The following ACAD9 variants were observed in gnomAD, a reference collection of about 807,000 sequenced individuals.
ACAD9 encodes complex I assembly factor ACAD9, mitochondrial.
A neutral mutation model predicts 70.2 loss-of-function variants in ACAD9; 53 were observed. The ratio of observed to expected loss-of-function variants is 0.75; its 90% CI spans 0.61 to 0.95. ACAD9 has a LOEUF of 0.95. Ranked by LOEUF, ACAD9 falls within the 40% of genes least tolerant of loss-of-function variation. ACAD9 has a pLI of 0.00. For synonymous variants in ACAD9, 313 were observed against 312.1 expected, an observed-to-expected ratio of 1.00 and a Z score of -0.03; for missense variants, 777 against 802.8, an observed-to-expected ratio of 0.97 and a Z score of 0.39.
At chr3:128,910,879 GTT>G in intron 17 of ACAD9, 66 bp downstream of exon 17, 1 of 1,565,852 alleles carries the variant, frequency 6.4e-7, no homozygotes, top group Non-Finnish European at 8.8e-7. Flanking sequence ...ATGGTGAGCT[GTT>G]TCTGGACCCT....
intron 12 of ACAD9, among the ~76,000 whole-genome samples, chr3:128,906,975 A>G (rs1291321139): frequency 6.6e-6 from 1 of 152,176 alleles, no homozygotes; most frequent in Non-Finnish European, 1.5e-5. Flanking sequence ...AGTGCTGGAC[A>G]TGTGGACGGG....
At chr3:128,891,135 G>A (rs763521933) in intron 2 of ACAD9, among the ~76,000 whole-genome samples, 1 of 151,888 alleles carries the variant, frequency 6.6e-6, no homozygotes, top group Non-Finnish European at 1.5e-5. Context: ...CACCGTGCCC[G>A]GCCAGCAATT....
At chr3:128,906,958 C>G (rs1287579063) in intron 12 of ACAD9, among the ~76,000 whole-genome samples, 1 of 152,200 alleles carries the variant, frequency 6.6e-6, no homozygotes, top group Non-Finnish European at 1.5e-5. Flanking sequence ...CCCCCAGGGG[C>G]TCAGCAAGTG....
rs564993361 is a variant in ACAD9 at position 128,908,326 on chromosome 3, A to G, written c.1358+62A>G. 274 of 1,590,006 alleles carry G rather than the reference A, an allele frequency of 1.7e-4. 2 individuals are homozygous for G. The African/African-American group carries it at 3.5e-3, about 21-fold the overall frequency. ...ATACCTGCCCAGCAGGGGCCAGTCC[A>G]GGGCAGTGGGAGGAAAGAGCTGCCT... is the stretch of plus-strand genomic sequence containing the variant. On this transcript the variant is annotated intron_variant, in intron 13 of 17. Coordinates refer to ENST00000308982, the MANE Select transcript of ACAD9 (RefSeq NM_014049.5).
At chr3:128,899,176 C>T in intron 6 of ACAD9, 111 bp from the exon 7 acceptor site, 1 of 1,135,888 alleles carries the variant, frequency 8.8e-7, no homozygotes, top group Non-Finnish European at 1.3e-6. Context: ...AAGGACCCTG[C>T]ATGTCTGGCC....
rs754035263 is a variant in ACAD9 at position 128,896,437 on chromosome 3, G to T, written c.455G>T (p.Gly152Val). ...LAAHQAIGLKGIILAGTEEQK... is the reference protein window; with the variant it reads ...LAAHQAIGLKVIILAGTEEQK... Reference sequence around the variant, plus strand: ...TTAGTCTGTGTCTGTTTTGTTTAGGGGATCATCTTGGCTGGCACTGAGGAG... The same window carrying T: ...TTAGTCTGTGTCTGTTTTGTTTAGGTGATCATCTTGGCTGGCACTGAGGAG... Residue 152 changes from glycine to valine, a missense_variant and splice_region_variant, in exon 5 of 18, where the codon GGG (glycine) becomes GTG (valine). Transcript: ENST00000308982. 3 of 1,614,104 alleles carry T rather than the reference G, an allele frequency of 1.9e-6. No homozygotes were observed. The South Asian group carries it at 3.3e-5, about 18-fold the overall frequency.
intron 11 of ACAD9, among the ~76,000 whole-genome samples, chr3:128,905,218 A>G (rs1012905633): frequency 1.3e-5 from 2 of 152,244 alleles, no homozygotes; most frequent in African/African-American, 4.8e-5. Flanking sequence ...TCTACAAAAA[A>G]TACAAAAATT....
At chr3:128,880,564 A>G (rs1014189952) in intron 1 of ACAD9, among the ~76,000 whole-genome samples, 1 of 137,350 alleles carries the variant, frequency 7.3e-6, no homozygotes, top group Non-Finnish European at 1.6e-5. Flanking sequence ...TTTTTTTTGT[A>G]TTTTTAGCAG....
chr3:128,879,655 G>A lies in ACAD9; in HGVS notation c.-37G>A, dbSNP rs1441353275. ...TGTGTGTCCCTGCGGCGCTAAGAAG[G>A]GGAGACTGAGGCTGAGGCTGGGGAA... On this transcript the variant is annotated 5_prime_UTR_variant, in exon 1 of 18. Transcript: ENST00000308982. 5.0e-6 allele frequency: 8 copies of A among 1,610,924 alleles called. No homozygotes were observed. The highest frequency in any genetic ancestry group is 2.2e-5 in the East Asian group (1 of 44,868).
chr3:128,898,436 C>T (rs1306830539), intron 6 of ACAD9: 25 of 438,184 alleles, frequency 5.7e-5, no homozygotes, highest in South Asian at 9.8e-5. Context: ...GACAGGGTCC[C>T]GCTCTGTCAC....
intron 12 of ACAD9, among the ~76,000 whole-genome samples, chr3:128,906,991 TGTGGAGA>T (rs1475890007): frequency 1.3e-5 from 2 of 152,056 alleles, no homozygotes; most frequent in Non-Finnish European, 2.9e-5. Context: ...ACGGGGCTCA[TGTGGAGA>T]GTGAGTTGCA....
In ACAD9 at chr3:128,910,820, G is replaced by A. The variant is rs752972035; in HGVS notation, c.1765+7G>A. ...CTCTCTCAGCTGGACAAGTGTGAGT[G>A]GCATGTCTTGGGGGAGGGAAGGAAG... On this transcript the variant is annotated splice_region_variant and intron_variant, in intron 17 of 17. Coordinates refer to ENST00000308982, the MANE Select transcript of ACAD9 (RefSeq NM_014049.5). The A allele has an allele frequency of 8.1e-6, 13 of 1,614,132 alleles. No homozygotes were observed. The highest frequency in any genetic ancestry group is 1.1e-5 in the Non-Finnish European group (13 of 1,180,000).
intron 3 of ACAD9, 33 bp downstream of exon 3, chr3:128,893,689 A>G: frequency 6.4e-7 from 1 of 1,571,926 alleles, no homozygotes; most frequent in Non-Finnish European, 8.8e-7. Context: ...CAGCCAGTTT[A>G]GCTCTTAAGA....
intron 2 of ACAD9, among the ~76,000 whole-genome samples, chr3:128,890,374 C>T (rs920430180): frequency 1.3e-5 from 2 of 152,004 alleles, no homozygotes; most frequent in Non-Finnish European, 1.5e-5. Context: ...GTGAGAGCCA[C>T]CTCGCCCAGC....
At chr3:128,894,894 T>G (rs1291402138) in intron 3 of ACAD9, among the ~76,000 whole-genome samples, 6 of 129,032 alleles carry the variant, frequency 4.7e-5, no homozygotes, top group African/African-American at 1.5e-4. Flanking sequence ...TTTTTTTTTT[T>G]GAGACAGAGT....
At chr3:128,904,041 A>G (rs199626097) in intron 9 of ACAD9, 21 bp from the exon 10 acceptor site, 3 of 1,612,466 alleles carry the variant, frequency 1.9e-6, no homozygotes, top group East Asian at 4.5e-5. Flanking sequence ...AGTTCATTCT[A>G]ATAACTCTGC....
rs756031841 is a variant in ACAD9 at position 128,879,796 on chromosome 3, T to C, written c.105T>C (p.Pro35=). 10 of 1,613,924 alleles carry C rather than the reference T, an allele frequency of 6.2e-6. No homozygotes were observed. Among genetic ancestry groups the C allele is most frequent in the Non-Finnish European group, 8.5e-6 (10 of 1,180,028 alleles). Reference sequence around the variant, plus strand: ...GGCGGCTACTGCGCACCAGCCCGCCTGTACGAGCTTTCGCCAAAGAGCTTT... The same window carrying C: ...GGCGGCTACTGCGCACCAGCCCGCCCGTACGAGCTTTCGCCAAAGAGCTTT... ...ANRRLLRTSP[P]VRAFAKELFL... Residue 35 remains proline, a synonymous_variant, in exon 1 of 18, where the codon CCT becomes CCC. Coordinates refer to ENST00000308982, the MANE Select transcript of ACAD9 (RefSeq NM_014049.5).
At chr3:128,893,105 C>T (rs548548894) in intron 2 of ACAD9, among the ~76,000 whole-genome samples, 5 of 151,318 alleles carry the variant, frequency 3.3e-5, no homozygotes, top group Non-Finnish European at 5.9e-5. Context: ...CAGTACTTTG[C>T]GAGGCTGTGG....
In ACAD9 at chr3:128,895,386, C is replaced by G. The variant is rs1341161658; in HGVS notation, c.423C>G (p.Thr141=). The G allele has an allele frequency of 6.2e-7, 1 of 1,611,648 alleles. No individual in the cohort carries two copies. The highest frequency in any genetic ancestry group is 1.3e-5 in the African/African-American group (1 of 74,800). ...GCATGGATGGGTCCATCACTGTGACCCTGGCAGCGCACCAGGCTATTGGCC... is the reference window on the plus strand; with the variant it reads ...GCATGGATGGGTCCATCACTGTGACGCTGGCAGCGCACCAGGCTATTGGCC... ...IISMDGSITV[T]LAAHQAIGLK... is the part of the protein sequence containing the mutation. Residue 141 remains threonine, a synonymous_variant, in exon 4 of 18, where the codon ACC becomes ACG. Coordinates refer to ENST00000308982, the MANE Select transcript of ACAD9 (RefSeq NM_014049.5).
Sources: allele counts gnomAD v4.1 joint callset (sites outside exome capture counted in the v4.1 genomes callset), GRCh38; gene constraint gnomAD v4.1.1; transcripts MANE v1.5; gene names NCBI Gene and HGNC (gene_info 2026-07-23, HGNC 2026-07-21).